Variants in PCDHA4 observed in about 807,000 individuals in gnomAD.
PCDHA4 encodes the protein protocadherin alpha-4.
A neutral mutation model predicts 61.4 loss-of-function variants in PCDHA4; 49 were observed. That is an observed-to-expected ratio of 0.80 (90% CI 0.63 to 1.01). The LOEUF is 1.01. PCDHA4 is among the 50% of genes least tolerant of loss of function. The pLI is 0.00. For missense variants in PCDHA4, 1,254 were observed against 1,235.8 expected, an observed-to-expected ratio of 1.01 and a Z score of -0.22; for synonymous variants, 590 against 550.3, an observed-to-expected ratio of 1.07 and a Z score of -1.01.
chr5:140,832,024 T>A (rs1396101344), intron 1 of PCDHA4, among the ~76,000 whole-genome samples: 1 of 152,254 alleles, frequency 6.6e-6, no homozygotes, highest in African/African-American at 2.4e-5. Flanking sequence ...AAAGATTGAA[T>A]TTTTGTTATT....
chr5:140,910,191 CTT>C (rs1384563815), intron 1 of PCDHA4, among the ~76,000 whole-genome samples: 2 of 152,152 alleles, frequency 1.3e-5, no homozygotes, highest in Non-Finnish European at 2.9e-5. Context: ...TCAAATTAGT[CTT>C]TTGTCCACTT....
At chr5:140,906,340 C>T (rs1353616474) in intron 1 of PCDHA4, among the ~76,000 whole-genome samples, 1 of 152,138 alleles carries the variant, frequency 6.6e-6, no homozygotes, top group Non-Finnish European at 1.5e-5. Flanking sequence ...CTTCATACAA[C>T]CAAGAATGCA....
intron 1 of PCDHA4, among the ~76,000 whole-genome samples, chr5:140,838,091 T>C (rs1775528096): frequency 7.2e-6 from 1 of 139,480 alleles, no homozygotes; most frequent in East Asian, 2.0e-4. Context: ...TGTGTGTGTG[T>C]GTGTGTGTGT....
intron 1 of PCDHA4, chr5:140,869,015 A>G (rs2050795044): frequency 6.6e-7 from 1 of 1,524,382 alleles, no homozygotes; most frequent in Non-Finnish European, 8.8e-7. Flanking sequence ...GAAACTTCTT[A>G]AGAATTCAAC....
In PCDHA4 at chr5:140,807,867, A is replaced by G. The variant is rs782786124; in HGVS notation, c.680A>G (p.Gln227Arg). 6 of 1,614,086 alleles carry G rather than the reference A, an allele frequency of 3.7e-6. No homozygotes were observed. In the African/African-American group the frequency reaches 8.0e-5, roughly 22 times the overall value. Residue 227 changes from glutamine to arginine, a missense_variant, in exon 1 of 4, where the codon CAG becomes CGG. Coordinates refer to ENST00000530339, the MANE Select transcript of PCDHA4 (RefSeq NM_018907.4). The part of the protein sequence containing the change: ...GGKPELTGTV[Q>R]LLITVLDAND... ...AAACCCGAGTTGACTGGCACCGTTCAGTTACTCATCACAGTACTGGATGCC... is the reference window on the plus strand; with the variant it reads ...AAACCCGAGTTGACTGGCACCGTTCGGTTACTCATCACAGTACTGGATGCC...
intron 1 of PCDHA4, among the ~76,000 whole-genome samples, chr5:140,872,813 A>G (rs2053916797): frequency 6.6e-6 from 1 of 152,208 alleles, no homozygotes; most frequent in Non-Finnish European, 1.5e-5. Flanking sequence ...TAAGTTTTTC[A>G]GATTCATCTA....
Position 140,992,419 on chromosome 5 carries a change from A to C in PCDHA4, c.2533+9856A>C, listed in dbSNP as rs554370784. The stretch of plus-strand genomic sequence containing the variant: ...GAGATATTGTTCTGCCCCAGGTCTA[A>C]GAATATTGTTCCAAGAGTTGGGAGC... On this transcript the variant is annotated intron_variant, in intron 3 of 3. Transcript: ENST00000530339. Among the ~76,000 whole-genome samples the C allele has an allele frequency of 3.3e-5, 5 of 152,318 alleles. No individual in the cohort carries two copies. In the East Asian group the frequency reaches 7.7e-4, roughly 23 times the overall value.
rs2150417290 is a variant in PCDHA4 at position 140,848,687 on chromosome 5, C to G, written c.2385+39115C>G. 1.9e-3 allele frequency: 2,953 copies of G among 1,592,340 alleles called. 211 individuals are homozygous for G. The African/African-American group carries it at 0.035, about 19-fold the overall frequency. The stretch of plus-strand genomic sequence containing the variant: ...TGGCGGAGCTGGTGCCGCGCCTGTT[C>G]CAGTTGGATTCCAAAGGCCGCGGGG... On this transcript the variant is annotated intron_variant, in intron 1 of 3. Transcript: ENST00000530339.
chr5:140,823,881 C>T (rs2150130058), intron 1 of PCDHA4: 1 of 1,613,970 alleles, frequency 6.2e-7, no homozygotes, highest in South Asian at 1.1e-5. Flanking sequence ...TGATCATCGC[C>T]ATCTGTGCGG....
At chr5:140,862,329 T>C (rs1305735393) in intron 1 of PCDHA4, 1 of 327,554 alleles carries the variant, frequency 3.1e-6, no homozygotes, top group Non-Finnish European at 6.0e-6. Context: ...ATCAGTGTAA[T>C]TGACCCTAAC....
At chr5:140,831,283 T>A (rs1771463407) in intron 1 of PCDHA4, 3 of 152,224 alleles carry the variant, frequency 2.0e-5, no homozygotes, top group Admixed American at 1.3e-4. Flanking sequence ...GGTCTTCTCT[T>A]CATGGAGTCT....
At chr5:140,990,512 CTT>C (rs1323641272) in intron 3 of PCDHA4, among the ~76,000 whole-genome samples, 1 of 152,202 alleles carries the variant, frequency 6.6e-6, no homozygotes, top group African/African-American at 2.4e-5. Context: ...AGTCTTCTCT[CTT>C]GTCTTTTTTG....
intron 1 of PCDHA4, chr5:140,869,288 G>T (rs950790626): frequency 6.2e-7 from 1 of 1,613,578 alleles, no homozygotes; most frequent in East Asian, 2.2e-5. Context: ...CTGGTGCAGC[G>T]CCTGTTCCGG....
chr5:140,917,359 A>G (rs2078164580), intron 1 of PCDHA4, among the ~76,000 whole-genome samples: 3 of 142,606 alleles, frequency 2.1e-5, no homozygotes, highest in South Asian at 2.2e-4. Flanking sequence ...CTTCTGTTCC[A>G]CTATCTTGCT....
chr5:140,869,747 C>A (rs1554163400), intron 1 of PCDHA4: 1 of 1,613,276 alleles, frequency 6.2e-7, no homozygotes. Context: ...CTAACAGCTA[C>A]AGACGGGGGA....
At chr5:140,979,318 T>C (rs2096844474) in intron 2 of PCDHA4, among the ~76,000 whole-genome samples, 1 of 152,196 alleles carries the variant, frequency 6.6e-6, no homozygotes, top group Non-Finnish European at 1.5e-5. Context: ...CTACCTATGC[T>C]TTCTTTTCCT....
intron 1 of PCDHA4, among the ~76,000 whole-genome samples, chr5:140,897,071 A>AT (rs1433909021): frequency 3.3e-5 from 5 of 151,872 alleles, no homozygotes; most frequent in African/African-American, 1.2e-4. Flanking sequence ...TGTCTTATTC[A>AT]TTTTTTCTAT....
In PCDHA4 at chr5:140,849,693, A is replaced by C. The variant is rs2150445321; in HGVS notation, c.2385+40121A>C. 85 of 1,598,584 alleles carry C rather than the reference A, an allele frequency of 5.3e-5. 3 individuals are homozygous for C. The East Asian group carries it at 1.1e-3, about 21-fold the overall frequency. On this transcript the variant is annotated intron_variant, in intron 1 of 3. Coordinates refer to ENST00000530339, the MANE Select transcript of PCDHA4 (RefSeq NM_018907.4). ...CCACGTCCCCTTCAAGCTGGTGTCC[A>C]CCTACAAGAATTACTACTCGTTGGT...
intron 1 of PCDHA4, chr5:140,865,859 A>T (rs1328083716): frequency 1.3e-5 from 2 of 152,318 alleles, no homozygotes; most frequent in East Asian, 3.9e-4. Context: ...CTGCTCAAAC[A>T]TGGTCTCGGC....
Sources: allele counts gnomAD v4.1 joint callset (sites outside exome capture counted in the v4.1 genomes callset), GRCh38; gene constraint gnomAD v4.1.1; transcripts MANE v1.5; gene names NCBI Gene and HGNC (gene_info 2026-07-23, HGNC 2026-07-21).